The following COL25A1 variants were observed in gnomAD, a reference collection of about 807,000 sequenced individuals.
The protein encoded by COL25A1 is collagen type XXV alpha 1 chain, also known as collagen alpha-1(XXV) chain.
In COL25A1, 103 loss-of-function variants were observed where a neutral mutation model predicts 128.4. That is an observed-to-expected ratio of 0.80 (90% CI 0.68 to 0.94). The LOEUF is 0.94. COL25A1 is among the 40% of genes least tolerant of loss of function. The probability of loss-of-function intolerance (pLI) is 0.00; values close to 1 mark genes in which losing one functional copy is unlikely to be tolerated. For missense variants in COL25A1, 745 were observed against 840.0 expected (o/e 0.89, Z 1.40); for synonymous variants, 279 against 277.2 (o/e 1.01, Z -0.06).
chr4:108,929,701 C>G (rs982956132), intron 11 of COL25A1, among the ~76,000 whole-genome samples: 1 of 152,006 alleles, frequency 6.6e-6, no homozygotes, highest in Admixed American at 6.6e-5. Flanking sequence ...GTGGTGCATG[C>G]CTTAGTCCTA....
At chr4:109,006,964 T>C (rs905068320) in intron 6 of COL25A1, among the ~76,000 whole-genome samples, 2 of 152,168 alleles carry the variant, frequency 1.3e-5, no homozygotes, top group Non-Finnish European at 2.9e-5. Flanking sequence ...CTGGGCTTAA[T>C]ACCTGGGTGA....
chr4:108,846,695 G>A (rs1735151415), intron 27 of COL25A1, among the ~76,000 whole-genome samples: 1 of 151,994 alleles, frequency 6.6e-6, no homozygotes, highest in Admixed American at 6.6e-5. Flanking sequence ...AGTTTTCAAT[G>A]GTCCAGTCTA....
At chr4:109,032,184 A>T (rs1217280171) in intron 5 of COL25A1, among the ~76,000 whole-genome samples, 1 of 152,088 alleles carries the variant, frequency 6.6e-6, no homozygotes, top group South Asian at 2.1e-4. Flanking sequence ...ACCACTAGTA[A>T]ATGGAAATAC....
At position 108,809,665 on chromosome 4, in the gene COL25A1, C is replaced by T. The variant is rs1730646722; in HGVS notation, c.*4262G>A. On this transcript the variant is annotated 3_prime_UTR_variant, in exon 38 of 38. Transcript: ENST00000399132. ...GTACGGGGTTAGCAAAAACCAAACT[C>T]CACTAAAAATTTAAGTTAGAGGAGT... 1 of 152,076 alleles carries T rather than the reference C, an allele frequency of 6.6e-6. No homozygotes were observed. The highest frequency in any genetic ancestry group is 6.5e-5 in the Admixed American group (1 of 15,280). 9.4% of individuals were successfully genotyped at this position (152,076 alleles called of 1,614,324 possible). A position where few individuals can be genotyped will look rare whatever the true frequency, so the allele number is the denominator to read the frequency against.
At chr4:108,848,702 T>C (rs1357646459) in intron 27 of COL25A1, 57 bp downstream of exon 27, 9 of 1,252,552 alleles carry the variant, frequency 7.2e-6, no homozygotes, top group Admixed American at 1.7e-5. Flanking sequence ...AAACCTACAA[T>C]AAAAGTAGTA....
chr4:109,181,354 C>A (rs1260092227), intron 3 of COL25A1, among the ~76,000 whole-genome samples: 1 of 151,942 alleles, frequency 6.6e-6, no homozygotes, highest in Non-Finnish European at 1.5e-5. Context: ...TTCTAAATGG[C>A]GACTATTTGA....
intron 3 of COL25A1, among the ~76,000 whole-genome samples, chr4:109,277,119 T>C (rs543016648): frequency 3.8e-4 from 58 of 152,198 alleles, no homozygotes; most frequent in Non-Finnish European, 5.9e-4. Context: ...CATCATGTAA[T>C]AGAACTACTA....
intron 5 of COL25A1, among the ~76,000 whole-genome samples, chr4:109,026,811 AG>A (rs1317951927): frequency 6.6e-6 from 1 of 152,242 alleles, no homozygotes; most frequent in Non-Finnish European, 1.5e-5. Flanking sequence ...GAGCAGTATC[AG>A]CATGCAAGAG....
chr4:109,265,392 T>C (rs1286659026), intron 3 of COL25A1, among the ~76,000 whole-genome samples: 1 of 152,198 alleles, frequency 6.6e-6, no homozygotes, highest in African/African-American at 2.4e-5. Flanking sequence ...TCAACTATGC[T>C]TTCTCTTTAG....
intron 3 of COL25A1, among the ~76,000 whole-genome samples, chr4:109,161,307 G>A (rs760404798): frequency 2.6e-5 from 4 of 152,122 alleles, no homozygotes; most frequent in Non-Finnish European, 4.4e-5. Context: ...TAGTGTATGG[G>A]ACAGCCACAC....
chr4:109,142,775 A>G (rs1770543547), intron 3 of COL25A1, among the ~76,000 whole-genome samples: 1 of 150,930 alleles, frequency 6.6e-6, no homozygotes, highest in Non-Finnish European at 1.5e-5. Flanking sequence ...ATCTTCCTCC[A>G]TCCCTTTATT....
At chr4:108,903,748 A>G (rs1323283934) in intron 13 of COL25A1, among the ~76,000 whole-genome samples, 2 of 152,064 alleles carry the variant, frequency 1.3e-5, no homozygotes, top group Non-Finnish European at 1.5e-5. Flanking sequence ...TTTTATAGGC[A>G]TCCACTCTGT....
At chr4:109,140,892 G>T (rs1480723371) in intron 3 of COL25A1, among the ~76,000 whole-genome samples, 1 of 152,126 alleles carries the variant, frequency 6.6e-6, no homozygotes. Context: ...GAGACAATTT[G>T]ACTTCCTCTC....
Position 109,110,411 on chromosome 4 carries a change from G to A in COL25A1, c.368-60232C>T, listed in dbSNP as rs187377137. Among the ~76,000 whole-genome samples, 25 of 152,182 alleles carry A rather than the reference G, an allele frequency of 1.6e-4. No individual in the cohort carries two copies. In the East Asian group the frequency reaches 1.9e-3, roughly 12 times the overall value. ...CATTTCCTCTCACTGTCCCTGGAAC[G>A]TTAGTGTTTCTCAAAGCTCATGTCC... On this transcript the variant is annotated intron_variant, in intron 3 of 37. Transcript: ENST00000399132.
At chr4:109,033,381 G>A (rs1390402294) in intron 5 of COL25A1, among the ~76,000 whole-genome samples, 1 of 152,164 alleles carries the variant, frequency 6.6e-6, no homozygotes, top group Non-Finnish European at 1.5e-5. Context: ...TAGCTTCCAG[G>A]TATCGTGCCC....
intron 10 of COL25A1, among the ~76,000 whole-genome samples, 161 bp from the exon 11 acceptor site, chr4:108,938,004 T>A (rs1747641292): frequency 1.3e-5 from 2 of 152,240 alleles, no homozygotes; most frequent in African/African-American, 4.8e-5. Context: ...ATTTCCCTTC[T>A]ACAAATAAAC....
intron 16 of COL25A1, among the ~76,000 whole-genome samples, chr4:108,893,314 G>A (rs1481326259): frequency 6.6e-6 from 1 of 152,198 alleles, no homozygotes; most frequent in Non-Finnish European, 1.5e-5. Context: ...ACCATTTAGT[G>A]TGCAGCACAA....
At chr4:109,058,467 A>C (rs1761649278) in intron 3 of COL25A1, among the ~76,000 whole-genome samples, 1 of 152,218 alleles carries the variant, frequency 6.6e-6, no homozygotes, top group African/African-American at 2.4e-5. Context: ...TTAGCTTTGC[A>C]GATTATATGT....
At chr4:109,199,830 G>C (rs932066729) in intron 3 of COL25A1, among the ~76,000 whole-genome samples, 2 of 152,092 alleles carry the variant, frequency 1.3e-5, no homozygotes, top group African/African-American at 2.4e-5. Context: ...CCTCTGCCAG[G>C]GTGACTGGAA....
Sources: gnomAD v4.1 joint callset for allele counts (sites outside exome capture counted in the v4.1 genomes callset) on GRCh38, gnomAD v4.1.1 for gene constraint, MANE v1.5 for transcripts, NCBI Gene and HGNC (gene_info 2026-07-23, HGNC 2026-07-21) for gene names.